Variants in CCDC91 observed in about 807,000 individuals in gnomAD.
CCDC91 encodes coiled-coil domain-containing protein 91.
Under a neutral mutation model 63.2 loss-of-function variants are expected in CCDC91, and 48 were observed. That is an observed-to-expected ratio of 0.76 (90% confidence interval 0.60 to 0.97). The LOEUF (loss-of-function observed/expected upper bound fraction) is 0.97, where lower values mean the gene tolerates loss of function less well. Ranked by LOEUF, CCDC91 falls within the 50% of genes least tolerant of loss-of-function variation. The probability of loss-of-function intolerance (pLI) is 0.00; values close to 1 mark genes in which losing one functional copy is unlikely to be tolerated. For missense variants in CCDC91, 500 were observed against 494.6 expected (o/e 1.01, Z -0.10); for synonymous variants, 167 against 165.8 (o/e 1.01, Z -0.06).
At chr12:28,500,791 C>T (rs1937726993) in intron 12 of CCDC91, among the ~76,000 whole-genome samples, 1 of 151,608 alleles carries the variant, frequency 6.6e-6, no homozygotes. Flanking sequence ...ATTTGAACTG[C>T]ATTATCAACA....
intron 12 of CCDC91, among the ~76,000 whole-genome samples, chr12:28,501,327 G>A (rs1356755267): frequency 1.3e-5 from 2 of 151,800 alleles, no homozygotes; most frequent in Non-Finnish European, 2.9e-5. Context: ...CATTCAGTAT[G>A]ATATTGGCTG....
chr12:28,506,860 TAAA>T (rs539633200), intron 12 of CCDC91, among the ~76,000 whole-genome samples: 1 of 133,800 alleles, frequency 7.5e-6, no homozygotes. Context: ...CCTTCAGGGG[TAAA>T]AAAAAAAAAA....
At chr12:28,442,103 A>G (rs1247899783) in intron 8 of CCDC91, among the ~76,000 whole-genome samples, 1 of 152,118 alleles carries the variant, frequency 6.6e-6, no homozygotes, top group South Asian at 2.1e-4. Context: ...TACTATCTAT[A>G]TGTTCAAAGC....
chr12:28,527,624 G>C (rs950287227), intron 12 of CCDC91, among the ~76,000 whole-genome samples: 1 of 125,282 alleles, frequency 8.0e-6, no homozygotes, highest in African/African-American at 5.0e-5. Context: ...ATGGGAGTAT[G>C]GGGGGGGAAC....
intron 3 of CCDC91, among the ~76,000 whole-genome samples, chr12:28,276,346 G>T (rs1473986552): frequency 6.6e-6 from 1 of 151,784 alleles, no homozygotes; most frequent in Non-Finnish European, 1.5e-5. Flanking sequence ...GGATTCACTG[G>T]GTGTAAACCA....
chr12:28,421,429 TA>T (rs1237129664), intron 8 of CCDC91, among the ~76,000 whole-genome samples: 3 of 152,092 alleles, frequency 2.0e-5, no homozygotes, highest in African/African-American at 2.4e-5. Context: ...TCTCAGTGTT[TA>T]GCTCCCACTT....
At chr12:28,302,792 T>TA (rs2137018750) in intron 3 of CCDC91, 1 of 183,492 alleles carries the variant, frequency 5.4e-6, no homozygotes, top group East Asian at 1.9e-4. Flanking sequence ...GACAACTGAA[T>TA]GAAACTATCT....
At position 28,347,194 on chromosome 12, in the gene CCDC91, C is replaced by T. The variant is rs76563899; in HGVS notation, c.577-15244C>T. Among the ~76,000 whole-genome samples, 326 of 152,292 alleles carry T rather than the reference C, an allele frequency of 2.1e-3. 3 individuals are homozygous for T. The highest frequency in any genetic ancestry group is 7.4e-3 in the African/African-American group (308 of 41,572). ...CGTTTGCAGATTTCCTATCAATCTT[C>T]TCAGATTCCAGAAGCAGAAGTGGTC... On this transcript the variant is annotated intron_variant, in intron 6 of 12. Coordinates refer to ENST00000536442, the MANE Select transcript of CCDC91 (RefSeq NM_018318.5).
intron 6 of CCDC91, among the ~76,000 whole-genome samples, chr12:28,358,014 TCA>T (rs532160302): frequency 1.2e-3 from 188 of 152,284 alleles, no homozygotes; most frequent in African/African-American, 4.3e-3. Flanking sequence ...GACTGTTGTG[TCA>T]CAGTGTGGTT....
chr12:28,485,167 G>GT (rs568632516), intron 12 of CCDC91, among the ~76,000 whole-genome samples: 3,239 of 144,800 alleles, frequency 0.022, 124 homozygotes, highest in African/African-American at 0.074. Flanking sequence ...TTTTTTTTTT[G>GT]TTTTTTTTTG....
At chr12:28,495,620 C>A (rs1234616315) in intron 12 of CCDC91, among the ~76,000 whole-genome samples, 1 of 151,694 alleles carries the variant, frequency 6.6e-6, no homozygotes, top group Non-Finnish European at 1.5e-5. Flanking sequence ...TGACTTTTAC[C>A]TTTCGAGGAG....
Position 28,335,793 on chromosome 12 carries a change from C to T in CCDC91, c.577-26645C>T, listed in dbSNP as rs1165345656. 2.0e-5 allele frequency among the ~76,000 whole-genome samples: 3 copies of T among 151,916 alleles called. No homozygotes were observed. The East Asian group carries it at 5.8e-4, about 29-fold the overall frequency. ...CCATAAGGCAAACATTCTTATCTCCCCTTTTTTTCTCATTATTTTTGTCTT... is the reference window on the plus strand; with the variant it reads ...CCATAAGGCAAACATTCTTATCTCCTCTTTTTTTCTCATTATTTTTGTCTT... On this transcript the variant is annotated intron_variant, in intron 6 of 12. Transcript: ENST00000536442.
At chr12:28,394,713 T>G (rs1164696754) in intron 8 of CCDC91, among the ~76,000 whole-genome samples, 2 of 145,316 alleles carry the variant, frequency 1.4e-5, no homozygotes, top group Non-Finnish European at 3.1e-5. Flanking sequence ...TGTTTCTTGC[T>G]CTCTCTCTCT....
At chr12:28,503,942 G>A (rs1409837656) in intron 12 of CCDC91, among the ~76,000 whole-genome samples, 1 of 151,938 alleles carries the variant, frequency 6.6e-6, no homozygotes, top group Non-Finnish European at 1.5e-5. Context: ...TTGTGGGGTG[G>A]GGGAAGGGGG....
intron 3 of CCDC91, among the ~76,000 whole-genome samples, chr12:28,267,949 T>A (rs1257524269): frequency 1.9e-5 from 2 of 106,444 alleles, no homozygotes; most frequent in African/African-American, 7.6e-5. Context: ...TATATAATTA[T>A]TATATATAAT....
chr12:28,458,456 T>A (rs970673226), intron 11 of CCDC91, among the ~76,000 whole-genome samples: 1 of 16,358 alleles, frequency 6.1e-5, no homozygotes, highest in African/African-American at 1.5e-4. Flanking sequence ...TTTGCACACC[T>A]TTTTTTTTTT....
intron 6 of CCDC91, among the ~76,000 whole-genome samples, chr12:28,355,639 T>G (rs1943474768): frequency 6.6e-6 from 1 of 152,196 alleles, no homozygotes; most frequent in Non-Finnish European, 1.5e-5. Context: ...ATTTCTGGGG[T>G]TTGTAAATTA....
At chr12:28,229,426 T>C (rs1472758757) in intron 1 of CCDC91, among the ~76,000 whole-genome samples, 1 of 152,062 alleles carries the variant, frequency 6.6e-6, no homozygotes, top group African/African-American at 2.4e-5. Flanking sequence ...AGAATTAAAA[T>C]AGAGTGATGT....
chr12:28,524,307 A>G (rs1941054493), intron 12 of CCDC91, among the ~76,000 whole-genome samples: 1 of 152,072 alleles, frequency 6.6e-6, no homozygotes, highest in African/African-American at 2.4e-5. Context: ...TTGTATGCCA[A>G]TTTTGCTGAG....
Sources: gnomAD v4.1 joint callset for allele counts (sites outside exome capture counted in the v4.1 genomes callset) on GRCh38, gnomAD v4.1.1 for gene constraint, MANE v1.5 for transcripts, NCBI Gene and HGNC (gene_info 2026-07-23, HGNC 2026-07-21) for gene names.